Variants in FAM184A observed in about 807,000 individuals in gnomAD.
FAM184A encodes protein FAM184A.
FAM184A carries 99 observed loss-of-function variants against 143.8 expected under a neutral mutation model. The observed-to-expected ratio is 0.69, with a 90% CI of 0.58 to 0.81. The LOEUF is 0.81. FAM184A is among the 40% of genes least tolerant of loss of function. The probability of loss-of-function intolerance (pLI) is 0.00; values close to 1 mark genes in which losing one functional copy is unlikely to be tolerated. For synonymous variants in FAM184A, 427 were observed against 446.4 expected (o/e 0.96, Z 0.55); for missense variants, 1,217 against 1,310.5 (o/e 0.93, Z 1.10).
intron 1 of FAM184A, among the ~76,000 whole-genome samples, chr6:119,121,426 C>T (rs948537166): frequency 1.2e-4 from 18 of 152,198 alleles, no homozygotes; most frequent in Admixed American, 8.5e-4. Context: ...CGTGAGCCAC[C>T]GTGCCTGGCC....
chr6:119,122,806 T>C lies in FAM184A; in HGVS notation c.-202+26272A>G, dbSNP rs191206083. 4.9e-3 allele frequency among the ~76,000 whole-genome samples: 739 copies of C among 151,206 alleles called. 2 individuals carry two copies. Among genetic ancestry groups the C allele is most frequent in the South Asian group, 0.016 (74 of 4,754 alleles). On this transcript the variant is annotated intron_variant, in intron 1 of 16. Transcript: ENST00000352896. ...GCATGGTAGCATGCATCTACTCGGG[T>C]CCCAGCTACTCGGGAGGCTGAGGTG...
intron 1 of FAM184A, among the ~76,000 whole-genome samples, chr6:119,128,566 A>T (rs1359105568): frequency 6.6e-6 from 1 of 152,218 alleles, no homozygotes; most frequent in Non-Finnish European, 1.5e-5. Flanking sequence ...GAACATAATT[A>T]GATAAACATG....
chr6:119,003,424 T>C (rs1784824632), intron 8 of FAM184A, 77 bp downstream of exon 8: 4 of 1,370,040 alleles, frequency 2.9e-6, no homozygotes, highest in Middle Eastern at 4.2e-4. Flanking sequence ...TCTTTAACAA[T>C]AGGATAATGT....
chr6:119,030,905 T>C (rs1481622333), intron 1 of FAM184A, among the ~76,000 whole-genome samples: 4 of 152,114 alleles, frequency 2.6e-5, no homozygotes, highest in African/African-American at 9.6e-5. Context: ...ATTTCATAGT[T>C]CATTTTATGA....
intron 1 of FAM184A, among the ~76,000 whole-genome samples, chr6:119,054,277 T>C (rs2114753160): frequency 6.6e-6 from 1 of 152,358 alleles, no homozygotes. Flanking sequence ...TAATTCAGAA[T>C]TGTTTTAGTC....
At chr6:119,101,314 C>T (rs111718175) in intron 1 of FAM184A, among the ~76,000 whole-genome samples, 11,935 of 151,958 alleles carry the variant, frequency 0.079, 1,198 homozygotes, top group African/African-American at 0.23. Flanking sequence ...TCCGGTGATC[C>T]GCCCGCCTCG....
chr6:119,144,287 T>G (rs559554489), intron 1 of FAM184A, among the ~76,000 whole-genome samples: 192 of 144,082 alleles, frequency 1.3e-3, no homozygotes, highest in African/African-American at 4.1e-3. Context: ...TGAGCTGAGA[T>G]AGTGCCACTG....
At chr6:119,075,692 G>C (rs980026146) in intron 1 of FAM184A, among the ~76,000 whole-genome samples, 7 of 152,106 alleles carry the variant, frequency 4.6e-5, no homozygotes, top group African/African-American at 1.7e-4. Flanking sequence ...ACCATAGTTG[G>C]AACACACCTC....
intron 1 of FAM184A, among the ~76,000 whole-genome samples, chr6:119,084,184 A>T (rs993592113): frequency 1.3e-5 from 2 of 152,130 alleles, no homozygotes; most frequent in Non-Finnish European, 2.9e-5. Flanking sequence ...CATGGGAGAA[A>T]TTGTCCCCAT....
At chr6:119,028,847 C>A (rs1489810778) in intron 1 of FAM184A, among the ~76,000 whole-genome samples, 1 of 152,120 alleles carries the variant, frequency 6.6e-6, no homozygotes, top group Non-Finnish European at 1.5e-5. Context: ...AGCCTTTAAC[C>A]TGTGGAATCT....
At chr6:119,018,054 G>A (rs183248379) in intron 4 of FAM184A, among the ~76,000 whole-genome samples, 28 of 152,280 alleles carry the variant, frequency 1.8e-4, no homozygotes, top group Admixed American at 5.2e-4. Context: ...CCAAATATCC[G>A]TCTTCTCTTC....
intron 9 of FAM184A, among the ~76,000 whole-genome samples, chr6:118,984,189 ATT>A (rs1784116818): frequency 7.0e-6 from 1 of 142,276 alleles, no homozygotes; most frequent in Non-Finnish European, 1.5e-5. Context: ...TTATATATAT[ATT>A]TATATTTATA....
At chr6:119,067,987 TAAAC>T (rs113088414) in intron 1 of FAM184A, among the ~76,000 whole-genome samples, 5,493 of 150,068 alleles carry the variant, frequency 0.037, 215 homozygotes, top group African/African-American at 0.097. Flanking sequence ...AATAAATAAA[TAAAC>T]AAACAAACAA....
chr6:119,050,542 C>CA (rs1786715925), intron 1 of FAM184A, among the ~76,000 whole-genome samples: 1 of 150,110 alleles, frequency 6.7e-6, no homozygotes, highest in Admixed American at 6.6e-5. Flanking sequence ...CGCGGTGGCT[C>CA]ACGCCTGTAA....
At chr6:119,018,250 T>C (rs1304744254) in intron 4 of FAM184A, among the ~76,000 whole-genome samples, 1 of 152,136 alleles carries the variant, frequency 6.6e-6, no homozygotes, top group African/African-American at 2.4e-5. Flanking sequence ...CAGAGAGATA[T>C]CAGGGAAGGC....
intron 1 of FAM184A, among the ~76,000 whole-genome samples, chr6:119,026,679 T>A (rs550669657): frequency 1.3e-5 from 2 of 152,090 alleles, no homozygotes; most frequent in East Asian, 3.9e-4. Context: ...AAAACAGAGA[T>A]CATAAGACTG....
At chr6:118,962,616 G>A (rs767385824) in intron 16 of FAM184A, 3 of 152,060 alleles carry the variant, frequency 2.0e-5, no homozygotes, top group African/African-American at 4.8e-5. Flanking sequence ...TTACTTGGCA[G>A]TATCATTAAT....
chr6:119,035,077 C>G (rs1265180856), intron 1 of FAM184A, among the ~76,000 whole-genome samples: 2 of 152,008 alleles, frequency 1.3e-5, no homozygotes, highest in African/African-American at 4.8e-5. Context: ...CTGTTCACAA[C>G]TACGGAAGGA....
Position 118,980,365 on chromosome 6 carries a change from G to A in FAM184A, c.2089-15C>T, listed in dbSNP as rs1188016438. 1.2e-6 allele frequency: 2 copies of A among 1,603,286 alleles called. No individual in the cohort carries two copies. The highest frequency in any genetic ancestry group is 4.5e-5 in the East Asian group (2 of 44,794). On this transcript the variant is annotated splice_polypyrimidine_tract_variant and intron_variant, in intron 9 of 17. Coordinates refer to ENST00000338891, the MANE Select transcript of FAM184A (RefSeq NM_024581.6). ...AGCAAGGAAATCTATGCCCCAGAAT[G>A]GTACACAATGAAGAATAAATACAAG...
Sources: allele counts gnomAD v4.1 joint callset (sites outside exome capture counted in the v4.1 genomes callset), GRCh38; gene constraint gnomAD v4.1.1; transcripts MANE v1.5; gene names NCBI Gene and HGNC (gene_info 2026-07-23, HGNC 2026-07-21).